Variants in FOXN3 observed in about 807,000 individuals in gnomAD.
The protein encoded by FOXN3 is forkhead box protein N3.
A neutral mutation model predicts 38.4 loss-of-function variants in FOXN3; 7 were observed. The ratio of observed to expected loss-of-function variants is 0.18; its 90% CI spans 0.10 to 0.34. The LOEUF (loss-of-function observed/expected upper bound fraction) is 0.34. FOXN3 is among the 10% of genes least tolerant of loss of function. The pLI, the probability that FOXN3 is intolerant of heterozygous loss-of-function variation, is 1.00. For missense variants in FOXN3, 456 were observed against 613.4 expected, an observed-to-expected ratio of 0.74 and a Z score of 2.71; for synonymous variants, 230 against 242.2, an observed-to-expected ratio of 0.95 and a Z score of 0.47.
chr14:89,435,837 T>C (rs1020978529), intron 1 of FOXN3, among the ~76,000 whole-genome samples: 7 of 152,112 alleles, frequency 4.6e-5, no homozygotes, highest in Admixed American at 3.3e-4. Context: ...AGCCTCCCAA[T>C]GGCTACAGTC....
intron 4 of FOXN3, among the ~76,000 whole-genome samples, chr14:89,260,956 C>T (rs1004772291): frequency 7.2e-5 from 11 of 152,152 alleles, no homozygotes; most frequent in African/African-American, 2.4e-4. Context: ...CTCAAAATAA[C>T]CCCAATTTAC....
At chr14:89,397,939 C>G (rs1393038678) in intron 2 of FOXN3, among the ~76,000 whole-genome samples, 1 of 152,204 alleles carries the variant, frequency 6.6e-6, no homozygotes, top group Non-Finnish European at 1.5e-5. Context: ...CCCCCTTATG[C>G]GTCCCTACCT....
chr14:89,165,322 G>A (rs1292737028), intron 5 of FOXN3, among the ~76,000 whole-genome samples: 1 of 152,342 alleles, frequency 6.6e-6, no homozygotes, highest in African/African-American at 2.4e-5. Context: ...GTGGGGCTGC[G>A]TGAGGATTAA....
At chr14:89,493,532 A>G (rs1423671411) in intron 1 of FOXN3, among the ~76,000 whole-genome samples, 14 of 151,370 alleles carry the variant, frequency 9.2e-5, no homozygotes, top group Non-Finnish European at 1.5e-5. Flanking sequence ...GCATGAGATC[A>G]ACACAGATAC....
chr14:89,392,315 G>A (rs1457228652), intron 2 of FOXN3, among the ~76,000 whole-genome samples: 1 of 152,156 alleles, frequency 6.6e-6, no homozygotes, highest in East Asian at 1.9e-4. Context: ...TATTCCTGAA[G>A]TCTCTCAGTG....
upstream of FOXN3, among the ~76,000 whole-genome samples, chr14:89,420,726 C>T (rs1162043923): frequency 6.6e-6 from 1 of 152,014 alleles, no homozygotes; most frequent in Non-Finnish European, 1.5e-5. Context: ...CGGTCTTTGT[C>T]CCTAAAGAGC....
intron 1 of FOXN3, among the ~76,000 whole-genome samples, chr14:89,605,605 A>G (rs1896256524): frequency 6.6e-6 from 1 of 152,318 alleles, no homozygotes; most frequent in South Asian, 2.1e-4. Flanking sequence ...CAGACTGCAC[A>G]AAAACAATAT....
In FOXN3 at chr14:89,491,568, G is replaced by A. The variant is rs538864709; in HGVS notation, c.-14-79078C>T. Among the ~76,000 whole-genome samples, 5 of 152,318 alleles carry A rather than the reference G, an allele frequency of 3.3e-5. No individual in the cohort carries two copies. In the East Asian group the frequency reaches 5.8e-4, roughly 18 times the overall value. The stretch of plus-strand genomic sequence containing the variant: ...CAAGGAAAAGAAAACACAGTGAGAC[G>A]AGAAGCTGGAAAGAAACTCAAAGTG... On this transcript the variant is annotated intron_variant, in intron 1 of 6. Transcript: ENST00000345097.
intron 4 of FOXN3, among the ~76,000 whole-genome samples, chr14:89,259,224 T>C (rs1885721117): frequency 6.6e-6 from 1 of 152,236 alleles, no homozygotes; most frequent in African/African-American, 2.4e-5. Flanking sequence ...CCAGGCATAT[T>C]ATTAAGGATG....
At position 89,412,341 on chromosome 14, in the gene FOXN3, G is replaced by C; in HGVS notation, c.136C>G (p.Pro46Ala). The stretch of plus-strand genomic sequence containing the variant: ...GCCCCCTCTTCTAATCGGATGTCAG[G>C]CAGAGAAAAGTCGAGGTCATCGTCT... ...QEDDDLDFSL[P>A]DIRLEEGAME... is the part of the protein sequence containing the mutation. Residue 46 changes from proline to alanine, a missense_variant, in exon 2 of 6, where the codon CCT (proline) becomes GCT (alanine). Pro to Ala is a conservative substitution (Grantham distance 27). Transcript: ENST00000557258. The surrounding 1 kb of genome is among the most constrained non-coding windows in gnomAD (Gnocchi z 4.7). The C allele has an allele frequency of 6.2e-7, 1 of 1,614,136 alleles. No individual in the cohort carries two copies. The highest frequency in any genetic ancestry group is 8.5e-7 in the Non-Finnish European group (1 of 1,180,028).
chr14:89,394,395 T>G (rs1891050217), intron 2 of FOXN3, among the ~76,000 whole-genome samples: 1 of 151,770 alleles, frequency 6.6e-6, no homozygotes, highest in Admixed American at 6.6e-5. Flanking sequence ...TTAGTAGAGA[T>G]GGGGTTTCGC....
intron 1 of FOXN3, among the ~76,000 whole-genome samples, chr14:89,497,685 G>C (rs1284276143): frequency 1.3e-5 from 2 of 152,166 alleles, no homozygotes; most frequent in Non-Finnish European, 2.9e-5. Context: ...TTACAGGCAT[G>C]AGCCACCGTG....
chr14:89,326,071 T>C (rs1369708947), intron 3 of FOXN3, among the ~76,000 whole-genome samples: 3 of 152,198 alleles, frequency 2.0e-5, no homozygotes, highest in Non-Finnish European at 4.4e-5. Flanking sequence ...AGCAAAACTA[T>C]TGTATCTCAT....
At chr14:89,220,862 C>G (rs1286244876) in intron 4 of FOXN3, among the ~76,000 whole-genome samples, 1 of 152,098 alleles carries the variant, frequency 6.6e-6, no homozygotes, top group Admixed American at 6.5e-5. Context: ...TTCTACTACA[C>G]AGGCTAACGT....
chr14:89,553,017 T>C (rs954706461), intron 1 of FOXN3, among the ~76,000 whole-genome samples: 1 of 151,800 alleles, frequency 6.6e-6, no homozygotes, highest in African/African-American at 2.4e-5. Context: ...GGCAGGAGGA[T>C]CCCTTGAGCT....
At chr14:89,417,952 G>A (rs112990586), upstream of FOXN3, among the ~76,000 whole-genome samples, 27 of 152,344 alleles carry the variant, frequency 1.8e-4, no homozygotes, top group Non-Finnish European at 3.7e-4. Flanking sequence ...GAGAAAACAG[G>A]TCTCATTTCC....
chr14:89,527,828 A>G (rs1270337886), intron 1 of FOXN3, among the ~76,000 whole-genome samples: 2 of 151,844 alleles, frequency 1.3e-5, no homozygotes, highest in Admixed American at 6.6e-5. Context: ...CAGTCTCCCA[A>G]GTAGCTGGTA....
chr14:89,617,662 C>A (rs1053061981), intron 1 of FOXN3, among the ~76,000 whole-genome samples: 1 of 152,182 alleles, frequency 6.6e-6, no homozygotes, highest in African/African-American at 2.4e-5. Context: ...TTGTAAAGTG[C>A]TGTGTATACG....
At chr14:89,432,580 A>T (rs1254880987) in intron 1 of FOXN3, among the ~76,000 whole-genome samples, 1 of 152,082 alleles carries the variant, frequency 6.6e-6, no homozygotes, top group East Asian at 1.9e-4. Flanking sequence ...CAAGAAGCTC[A>T]CTCATTTGCC....
Sources: allele counts gnomAD v4.1 joint callset (sites outside exome capture counted in the v4.1 genomes callset), GRCh38; gene constraint gnomAD v4.1.1; non-coding constraint Gnocchi (gnomAD v3.1); transcripts MANE v1.5; gene names NCBI Gene and HGNC (gene_info 2026-07-23, HGNC 2026-07-21).